NALF1: variants seen among roughly 807,000 people sequenced by gnomAD.
NALF1 encodes family with sequence similarity 155 member A.
A neutral mutation model predicts 48.4 loss-of-function variants in NALF1; 3 were observed. The observed-to-expected ratio is 0.06, with a 90% CI of 0.03 to 0.16. NALF1 has a LOEUF of 0.16. Ranked by LOEUF, NALF1 falls within the 10% of genes least tolerant of loss-of-function variation. NALF1 has a pLI of 1.00. For missense variants in NALF1, 526 were observed against 571.5 expected, an observed-to-expected ratio of 0.92 and a Z score of 0.81; for synonymous variants, 262 against 245.7, an observed-to-expected ratio of 1.07 and a Z score of -0.62.
intron 1 of NALF1, among the ~76,000 whole-genome samples, chr13:107,305,765 C>A (rs1212071249): frequency 6.6e-6 from 1 of 152,194 alleles, no homozygotes; most frequent in South Asian, 2.1e-4. Context: ...ATATATACTG[C>A]ATCTTTCTTT....
At chr13:107,822,309 A>G (rs948223315) in intron 1 of NALF1, among the ~76,000 whole-genome samples, 7 of 132,836 alleles carry the variant, frequency 5.3e-5, no homozygotes, top group Non-Finnish European at 7.7e-5. Flanking sequence ...ATGTCATGCA[A>G]AAGTATTTTT....
chr13:107,743,661 A>T (rs952818777), intron 1 of NALF1, among the ~76,000 whole-genome samples: 8 of 152,370 alleles, frequency 5.3e-5, no homozygotes, highest in African/African-American at 1.9e-4. Flanking sequence ...GCCACGAAGC[A>T]ATTCCTAACA....
At chr13:107,838,997 G>A (rs1168030282) in intron 1 of NALF1, among the ~76,000 whole-genome samples, 1 of 152,066 alleles carries the variant, frequency 6.6e-6, no homozygotes, top group Non-Finnish European at 1.5e-5. Flanking sequence ...GCCTCTCTTT[G>A]GTTGCAAAAT....
In NALF1 at chr13:107,170,327, A is replaced by C; in HGVS notation, c.*170T>G. On this transcript the variant is annotated 3_prime_UTR_variant, in exon 3 of 3. Coordinates refer to ENST00000375915, the MANE Select transcript of NALF1 (RefSeq NM_001080396.3). Reference sequence around the variant, plus strand: ...CTTTCCAGCCTTTTAGTCAATAAAAAGCTGTGGTTGTGTCCTTGTTTGGAT... The same window carrying C: ...CTTTCCAGCCTTTTAGTCAATAAAACGCTGTGGTTGTGTCCTTGTTTGGAT... 1 of 573,432 alleles carries C rather than the reference A, an allele frequency of 1.7e-6. No individual in the cohort carries two copies. Among genetic ancestry groups the C allele is most frequent in the South Asian group, 2.8e-5 (1 of 35,484 alleles). 35.5% of individuals were successfully genotyped at this position (573,432 alleles called of 1,614,324 possible). A position where few individuals can be genotyped will look rare whatever the true frequency, so the allele number is the denominator to read the frequency against.
chr13:107,738,085 C>T (rs1376805594), intron 1 of NALF1, among the ~76,000 whole-genome samples: 1 of 152,070 alleles, frequency 6.6e-6, no homozygotes, highest in Non-Finnish European at 1.5e-5. Flanking sequence ...TGCAGAAGTA[C>T]AGTGAAATGA....
At chr13:107,327,273 G>C (rs1366180564) in intron 1 of NALF1, among the ~76,000 whole-genome samples, 1 of 151,986 alleles carries the variant, frequency 6.6e-6, no homozygotes, top group African/African-American at 2.4e-5. Flanking sequence ...ATTGGCTATA[G>C]CTAGCCTGGC....
chr13:107,828,728 G>T (rs1467834420), intron 1 of NALF1, among the ~76,000 whole-genome samples: 1 of 151,240 alleles, frequency 6.6e-6, no homozygotes, highest in Non-Finnish European at 1.5e-5. Context: ...ATATATTTCT[G>T]CTTGGAGAAG....
chr13:107,720,653 T>G (rs1875957067), intron 1 of NALF1, among the ~76,000 whole-genome samples: 2 of 150,890 alleles, frequency 1.3e-5, no homozygotes, highest in African/African-American at 2.4e-5. Context: ...ATTAGCCAAA[T>G]CAAATAAATA....
At chr13:107,579,036 A>C (rs998258503) in intron 1 of NALF1, among the ~76,000 whole-genome samples, 1 of 152,180 alleles carries the variant, frequency 6.6e-6, no homozygotes, top group Non-Finnish European at 1.5e-5. Flanking sequence ...GAATTACTAC[A>C]AACCCTAAGT....
intron 1 of NALF1, among the ~76,000 whole-genome samples, chr13:107,791,148 T>G (rs1274610047): frequency 6.6e-6 from 1 of 152,216 alleles, no homozygotes; most frequent in Non-Finnish European, 1.5e-5. Context: ...TATTCAGGTT[T>G]GTTGCAACTA....
At chr13:107,478,418 C>T (rs1222135003) in intron 1 of NALF1, among the ~76,000 whole-genome samples, 3 of 151,848 alleles carry the variant, frequency 2.0e-5, no homozygotes, top group Non-Finnish European at 2.9e-5. Flanking sequence ...AACAAAAATA[C>T]CTAGAAAATA....
chr13:107,319,051 T>G (rs1309683733), intron 1 of NALF1, among the ~76,000 whole-genome samples: 2 of 152,048 alleles, frequency 1.3e-5, no homozygotes, highest in African/African-American at 4.8e-5. Flanking sequence ...GTTTGGTAAG[T>G]CACAGTCCTA....
At chr13:107,592,669 C>T (rs1360126556) in intron 1 of NALF1, among the ~76,000 whole-genome samples, 1 of 151,786 alleles carries the variant, frequency 6.6e-6, no homozygotes, top group Non-Finnish European at 1.5e-5. Flanking sequence ...AATTGAAACT[C>T]TATAGAAAAC....
intron 1 of NALF1, among the ~76,000 whole-genome samples, chr13:107,674,126 C>T (rs1309305298): frequency 1.3e-5 from 2 of 151,928 alleles, no homozygotes; most frequent in Non-Finnish European, 2.9e-5. Context: ...TTTGCCTGCT[C>T]CTTAGCCCTA....
Position 107,637,875 on chromosome 13 carries a change from A to G in NALF1, c.915+227807T>C, listed in dbSNP as rs145152344. 5.1e-3 allele frequency among the ~76,000 whole-genome samples: 770 copies of G among 152,126 alleles called. 7 individuals are homozygous for G. Among genetic ancestry groups the G allele is most frequent in the African/African-American group, 0.017 (722 of 41,504 alleles). The stretch of plus-strand genomic sequence containing the variant: ...GACCATCCCATTCTCTGTCTACCTC[A>G]TCCATTTTCCTTACTTGTCTAATGT... On this transcript the variant is annotated intron_variant, in intron 1 of 2. Coordinates refer to ENST00000375915, the MANE Select transcript of NALF1 (RefSeq NM_001080396.3).
intron 1 of NALF1, among the ~76,000 whole-genome samples, chr13:107,379,736 T>C (rs1883398854): frequency 6.6e-6 from 1 of 152,166 alleles, no homozygotes; most frequent in Admixed American, 6.5e-5. Flanking sequence ...TGAACTCTAC[T>C]CCAGCCTGAT....
At chr13:107,662,732 A>T (rs1273934811) in intron 1 of NALF1, among the ~76,000 whole-genome samples, 1 of 152,202 alleles carries the variant, frequency 6.6e-6, no homozygotes, top group African/African-American at 2.4e-5. Context: ...AGAAATTTTT[A>T]AAAGGGAACT....
intron 1 of NALF1, among the ~76,000 whole-genome samples, chr13:107,222,937 T>C (rs972849083): frequency 2.6e-5 from 4 of 152,168 alleles, no homozygotes; most frequent in Non-Finnish European, 5.9e-5. Context: ...TTCTATTTAG[T>C]GGGATTTGTT....
intron 1 of NALF1, among the ~76,000 whole-genome samples, chr13:107,731,640 G>A (rs1420327417): frequency 6.6e-6 from 1 of 152,114 alleles, no homozygotes; most frequent in Non-Finnish European, 1.5e-5. Flanking sequence ...ACTTATAAGT[G>A]AGAACAGGCA....
Sources: gnomAD v4.1 joint callset for allele counts (sites outside exome capture counted in the v4.1 genomes callset) on GRCh38, gnomAD v4.1.1 for gene constraint, MANE v1.5 for transcripts, NCBI Gene and HGNC (gene_info 2026-07-23, HGNC 2026-07-21) for gene names.